Variants in RPS6KA2 observed in about 807,000 individuals in gnomAD.
The protein encoded by RPS6KA2 is ribosomal protein S6 kinase alpha-2.
RPS6KA2 carries 42 observed loss-of-function variants against 91.8 expected under a neutral mutation model. The ratio of observed to expected loss-of-function variants is 0.46; its 90% CI spans 0.36 to 0.59. The LOEUF (loss-of-function observed/expected upper bound fraction) is 0.59. RPS6KA2 is among the 20% of genes least tolerant of loss of function. The pLI, the probability that RPS6KA2 is intolerant of heterozygous loss-of-function variation, is 0.00. For missense variants in RPS6KA2, 798 were observed against 978.5 expected (o/e 0.82, Z 2.46); for synonymous variants, 414 against 393.6 (o/e 1.05, Z -0.61).
At chr6:166,722,965 C>A (rs1003876943) in intron 2 of RPS6KA2, among the ~76,000 whole-genome samples, 8 of 152,200 alleles carry the variant, frequency 5.3e-5, no homozygotes, top group African/African-American at 1.9e-4. Context: ...TCTGTCTGTG[C>A]CTACACTTGG....
intron 1 of RPS6KA2, among the ~76,000 whole-genome samples, chr6:166,560,610 C>T (rs188755713): frequency 1.0e-3 from 155 of 151,898 alleles, no homozygotes; most frequent in East Asian, 1.6e-3. Flanking sequence ...CCCATTGTGA[C>T]GGGAAATCAC....
intron 2 of RPS6KA2, among the ~76,000 whole-genome samples, chr6:166,841,266 A>G (rs138535415): frequency 8.1e-4 from 124 of 152,370 alleles, no homozygotes; most frequent in African/African-American, 2.9e-3. Flanking sequence ...AAAATAAAAA[A>G]TGAAAAATAA....
chr6:166,482,558 G>A (rs1433390733), intron 10 of RPS6KA2, among the ~76,000 whole-genome samples: 1 of 152,206 alleles, frequency 6.6e-6, no homozygotes, highest in Non-Finnish European at 1.5e-5. Flanking sequence ...AGAGCCAGGA[G>A]CAATGACAGG....
At position 166,410,722 on chromosome 6, in the gene RPS6KA2, C is replaced by T. The variant is rs1349871087; in HGVS notation, c.*2040G>A. 6.6e-6 allele frequency: 1 copy of T among 152,120 alleles called. No individual in the cohort carries two copies. 9.4% of individuals were successfully genotyped at this position (152,120 alleles called of 1,614,324 possible). On this transcript the variant is annotated 3_prime_UTR_variant, in exon 21 of 21. Transcript: ENST00000265678. Reference sequence around the variant, plus strand: ...GGCCGCTTTCTCACGGATGCTTTCCCTTTCACTTCCCCCACTTCTCACTCC... The same window carrying T: ...GGCCGCTTTCTCACGGATGCTTTCCTTTTCACTTCCCCCACTTCTCACTCC...
At position 166,739,546 on chromosome 6, in the gene RPS6KA2, T is replaced by C. The variant is rs1285462926; in HGVS notation, c.123+118654A>G. ...GTCTGTTGGCTTCACTGGGAGCTTT[T>C]GCTCAGTGTCTAAGTCAGGCAACCG... On this transcript the variant is annotated intron_variant, in intron 2 of 21. Coordinates refer to the RPS6KA2 transcript ENST00000503859. 9.9e-5 allele frequency among the ~76,000 whole-genome samples: 15 copies of C among 152,230 alleles called. No individual in the cohort carries two copies. In the East Asian group the frequency reaches 2.7e-3, roughly 27 times the overall value.
chr6:166,579,672 C>T (rs1335968004), intron 1 of RPS6KA2, among the ~76,000 whole-genome samples: 1 of 152,208 alleles, frequency 6.6e-6, no homozygotes, highest in East Asian at 1.9e-4. Flanking sequence ...AAGAAGGAAG[C>T]AGCCTGTGAA....
At chr6:166,812,193 T>G (rs1334596890) in intron 2 of RPS6KA2, among the ~76,000 whole-genome samples, 7 of 152,072 alleles carry the variant, frequency 4.6e-5, no homozygotes, top group Admixed American at 3.9e-4. Flanking sequence ...CTGTCTCTAC[T>G]AAAAATAAAA....
chr6:166,667,644 AAG>A (rs1788352287), intron 2 of RPS6KA2, among the ~76,000 whole-genome samples: 1 of 152,228 alleles, frequency 6.6e-6, no homozygotes, highest in Non-Finnish European at 1.5e-5. Flanking sequence ...GGGTGGGTCT[AAG>A]AGAGTGACTG....
intron 2 of RPS6KA2, among the ~76,000 whole-genome samples, chr6:166,807,350 C>T (rs1042397714): frequency 6.6e-6 from 1 of 152,182 alleles, no homozygotes; most frequent in African/African-American, 2.4e-5. Flanking sequence ...TCAGAAAATC[C>T]TGTTGACTCT....
intron 2 of RPS6KA2, among the ~76,000 whole-genome samples, chr6:166,660,613 T>TA (rs1404080627): frequency 1.3e-5 from 2 of 152,132 alleles, no homozygotes; most frequent in Non-Finnish European, 2.9e-5. Context: ...CCTACACAAT[T>TA]AATAGTGTAA....
At chr6:166,739,360 G>A (rs1290623175) in intron 2 of RPS6KA2, among the ~76,000 whole-genome samples, 1 of 152,216 alleles carries the variant, frequency 6.6e-6, no homozygotes, top group Non-Finnish European at 1.5e-5. Flanking sequence ...CTCTAGGTAA[G>A]GATCCCTAAC....
At chr6:166,638,042 C>T (rs184163323) in intron 2 of RPS6KA2, among the ~76,000 whole-genome samples, 4 of 152,392 alleles carry the variant, frequency 2.6e-5, no homozygotes, top group Admixed American at 6.5e-5. Context: ...CCCAGGGGCA[C>T]GGCCTCGGTT....
intron 13 of RPS6KA2, among the ~76,000 whole-genome samples, chr6:166,450,583 C>T (rs1013106596): frequency 2.7e-5 from 4 of 147,586 alleles, no homozygotes; most frequent in Non-Finnish European, 4.5e-5. Context: ...CCATGAGGAC[C>T]AACACAGGAG....
At chr6:166,744,210 TA>T (rs1790908658) in intron 2 of RPS6KA2, among the ~76,000 whole-genome samples, 1 of 152,210 alleles carries the variant, frequency 6.6e-6, no homozygotes, top group Non-Finnish European at 1.5e-5. Context: ...TTTTCCTTTT[TA>T]AAAAGTCTCT....
intron 2 of RPS6KA2, among the ~76,000 whole-genome samples, chr6:166,744,723 C>A (rs1459716938): frequency 6.6e-6 from 1 of 152,198 alleles, no homozygotes; most frequent in African/African-American, 2.4e-5. Flanking sequence ...TGGGGGCATG[C>A]AGGCCTGGGC....
At chr6:166,516,135 C>T (rs1782635780) in intron 3 of RPS6KA2, among the ~76,000 whole-genome samples, 1 of 152,344 alleles carries the variant, frequency 6.6e-6, no homozygotes, top group South Asian at 2.1e-4. Context: ...ATGCCCTCAA[C>T]CTTGGCATAA....
chr6:166,508,046 C>T lies in RPS6KA2; in HGVS notation c.459+157G>A, dbSNP rs377022623. ...CACACATGTACACCTCTCCCACACA[C>T]GCACTCTTGCACACACTCACACATG... On this transcript the variant is annotated intron_variant, in intron 5 of 20. Coordinates refer to ENST00000265678, the MANE Select transcript of RPS6KA2 (RefSeq NM_021135.6). This position sits in a 1 kb window ranked among gnomAD's most constrained non-coding sequence, Gnocchi z 4.3. Among the ~76,000 whole-genome samples the T allele has an allele frequency of 6.0e-5, 9 of 150,796 alleles. No individual in the cohort carries two copies. The highest frequency in any genetic ancestry group is 1.7e-4 in the African/African-American group (7 of 41,040).
At chr6:166,637,016 C>T (rs962445473) in intron 2 of RPS6KA2, among the ~76,000 whole-genome samples, 4 of 152,168 alleles carry the variant, frequency 2.6e-5, no homozygotes, top group East Asian at 1.9e-4. Flanking sequence ...GGAGGAAATT[C>T]GGCAGCATCT....
chr6:166,447,247 T>C (rs1338534975), intron 14 of RPS6KA2, among the ~76,000 whole-genome samples: 1 of 152,222 alleles, frequency 6.6e-6, no homozygotes, highest in Non-Finnish European at 1.5e-5. Context: ...TAACCCTCGC[T>C]GCAGTCTCCA....
Sources: gnomAD v4.1 joint callset for allele counts (sites outside exome capture counted in the v4.1 genomes callset) on GRCh38, gnomAD v4.1.1 for gene constraint, Gnocchi (gnomAD v3.1) non-coding constraint, MANE v1.5 for transcripts, NCBI Gene and HGNC (gene_info 2026-07-23, HGNC 2026-07-21) for gene names.